The following XDH variants were observed in gnomAD, a reference collection of about 807,000 sequenced individuals.
XDH encodes xanthine dehydrogenase/oxidase.
A neutral mutation model predicts 156.1 loss-of-function variants in XDH; 138 were observed. The observed-to-expected ratio is 0.88, with a 90% CI of 0.77 to 1.02. The LOEUF is 1.02. Ranked by LOEUF, XDH falls within the 50% of genes least tolerant of loss-of-function variation. XDH has a pLI of 0.00. For missense variants in XDH, 1,849 were observed against 1,684.9 expected (o/e 1.10, Z -1.71); for synonymous variants, 669 against 625.7 (o/e 1.07, Z -1.03).
chr2:31,359,021 C>G (rs1685705068), intron 24 of XDH, among the ~76,000 whole-genome samples: 1 of 152,014 alleles, frequency 6.6e-6, no homozygotes, highest in Non-Finnish European at 1.5e-5. Context: ...AAGGAATCTA[C>G]AGAAGAAATC....
intron 24 of XDH, among the ~76,000 whole-genome samples, chr2:31,360,816 T>G (rs1293675538): frequency 6.7e-6 from 1 of 148,634 alleles, no homozygotes; most frequent in Non-Finnish European, 1.5e-5. Context: ...CCACTAGGGT[T>G]CTTGGAATGT....
At chr2:31,388,114 C>A in intron 7 of XDH, 113 bp downstream of exon 7, 1 of 1,265,844 alleles carries the variant, frequency 7.9e-7, no homozygotes, top group Non-Finnish European at 1.1e-6. Flanking sequence ...CCATCACCGA[C>A]TCACCGTAGG....
At chr2:31,354,713 A>C in intron 24 of XDH, among the ~76,000 whole-genome samples, 1 of 152,178 alleles carries the variant, frequency 6.6e-6, no homozygotes, top group Middle Eastern at 3.2e-3. Context: ...TGAAGAATAG[A>C]ATAAGATATA....
chr2:31,382,873 C>A lies in XDH; in HGVS notation c.1038+128G>T, dbSNP rs769712488. On this transcript the variant is annotated intron_variant, in intron 11 of 35. Transcript: ENST00000379416. ...GGAATCTGCACTTTAACAAGCACTGCTCCTCCCAGGCAACTCTAAGCGCTA... is the reference window on the plus strand; with the variant it reads ...GGAATCTGCACTTTAACAAGCACTGATCCTCCCAGGCAACTCTAAGCGCTA... 9.0e-5 allele frequency: 124 copies of A among 1,377,848 alleles called. 1 individual carries two copies. The highest frequency in any genetic ancestry group is 1.2e-4 in the Non-Finnish European group (117 of 990,914). 85.4% of individuals were successfully genotyped at this position (1,377,848 alleles called of 1,614,324 possible).
chr2:31,414,539 C>G (rs2148017446), intron 1 of XDH, 86 bp downstream of exon 1: 2 of 1,569,830 alleles, frequency 1.3e-6, no homozygotes, highest in Middle Eastern at 3.3e-4. Context: ...ACAGGAAAGA[C>G]AGAGAACAAG....
chr2:31,393,101 T>C (rs1686810842), intron 6 of XDH, among the ~76,000 whole-genome samples: 1 of 152,232 alleles, frequency 6.6e-6, no homozygotes, highest in African/African-American at 2.4e-5. Context: ...AAAAATGTCT[T>C]TTCTGCTGTT....
chr2:31,376,669 T>C (rs1471278670), intron 14 of XDH, among the ~76,000 whole-genome samples: 2 of 149,790 alleles, frequency 1.3e-5, no homozygotes, highest in Non-Finnish European at 3.0e-5. Context: ...ATAGCTGCAG[T>C]GATAGTAGTA....
In XDH at chr2:31,337,731, T is replaced by A; in HGVS notation, c.3861A>T (p.Thr1287=). ...GGAAGAGTTCCTTCACGTTATTACC[T>A]GTGTGCTGAGCTCGAGCTGCACGGA... ...DAIRAARAQH[T]GNNVKELFRL... The change falls in exon 35 of 36, where the codon ACA becomes ACT. Residue 1287 remains threonine, a synonymous_variant. Transcript: ENST00000379416. 1 of 1,614,230 alleles carries A rather than the reference T, an allele frequency of 6.2e-7. No individual in the cohort carries two copies. The highest frequency in any genetic ancestry group is 1.3e-5 in the African/African-American group (1 of 75,056).
chr2:31,397,873 T>C (rs1245408054), intron 5 of XDH, 144 bp from the exon 6 acceptor site: 1 of 865,720 alleles, frequency 1.2e-6, no homozygotes, highest in Admixed American at 2.2e-5. Flanking sequence ...CTCTTGGCCT[T>C]CTCATATCCT....
At chr2:31,412,180 T>C (rs1687359364) in intron 1 of XDH, among the ~76,000 whole-genome samples, 1 of 151,988 alleles carries the variant, frequency 6.6e-6, no homozygotes, top group African/African-American at 2.4e-5. Context: ...AAAAATAAAA[T>C]ACTGGACAGC....
chr2:31,347,460 A>T, intron 29 of XDH, 62 bp downstream of exon 29: 1 of 1,609,512 alleles, frequency 6.2e-7, no homozygotes, highest in East Asian at 2.2e-5. Flanking sequence ...ACCCAGGGAG[A>T]CTCTCCAGGC....
At chr2:31,380,741 C>G (rs6718606) in intron 12 of XDH, among the ~76,000 whole-genome samples, 25,087 of 152,122 alleles carry the variant, frequency 0.16, 2,188 homozygotes, top group Middle Eastern at 0.21. Context: ...TAAGTCATAG[C>G]CAGGAATATG....
At chr2:31,413,506 C>A (rs753354477) in intron 1 of XDH, among the ~76,000 whole-genome samples, 1 of 152,138 alleles carries the variant, frequency 6.6e-6, no homozygotes, top group Non-Finnish European at 1.5e-5. Context: ...GGAGCACTGA[C>A]GTTGAAACAG....
At chr2:31,346,940 A>G in intron 29 of XDH, 97 bp from the exon 30 acceptor site, 1 of 1,509,968 alleles carries the variant, frequency 6.6e-7, no homozygotes, top group Non-Finnish European at 9.2e-7. Flanking sequence ...CCTCCAAGCA[A>G]TGCTGTACCC....
intron 20 of XDH, among the ~76,000 whole-genome samples, chr2:31,367,618 A>C (rs1685954661): frequency 1.3e-5 from 2 of 152,094 alleles, no homozygotes; most frequent in African/African-American, 4.8e-5. Context: ...GACTGCCTTC[A>C]GGTAGGGGGA....
At chr2:31,398,313 A>T (rs781266672) in intron 5 of XDH, among the ~76,000 whole-genome samples, 4 of 152,136 alleles carry the variant, frequency 2.6e-5, no homozygotes, top group Non-Finnish European at 5.9e-5. Flanking sequence ...CCCCACTCCA[A>T]TACTGGTGGA....
chr2:31,378,175 GAAGCAAGC>G (rs150555652), intron 13 of XDH, among the ~76,000 whole-genome samples: 1,778 of 70,934 alleles, frequency 0.025, 117 homozygotes, highest in African/African-American at 0.077. Flanking sequence ...AGGAAGGAAG[GAAGCAAGC>G]AAGCAAGCAA....
intron 3 of XDH, among the ~76,000 whole-genome samples, chr2:31,402,079 G>A (rs556663224): frequency 7.6e-4 from 115 of 152,286 alleles, no homozygotes; most frequent in African/African-American, 2.7e-3. Flanking sequence ...GAGGAAACCA[G>A]TTAGGCCTCA....
At chr2:31,382,770 A>T (rs1490318533) in intron 11 of XDH, among the ~76,000 whole-genome samples, 1 of 152,140 alleles carries the variant, frequency 6.6e-6, no homozygotes, top group Non-Finnish European at 1.5e-5. Flanking sequence ...TGCCCCACAG[A>T]CCACCTTCAT....
Sources: allele counts gnomAD v4.1 joint callset (sites outside exome capture counted in the v4.1 genomes callset), GRCh38; gene constraint gnomAD v4.1.1; transcripts MANE v1.5; gene names NCBI Gene and HGNC (gene_info 2026-07-23, HGNC 2026-07-21).